MSRA: variants seen among roughly 807,000 people sequenced by gnomAD.
MSRA encodes mitochondrial peptide methionine sulfoxide reductase.
A neutral mutation model predicts 31.3 loss-of-function variants in MSRA; 54 were observed. That is an observed-to-expected ratio of 1.73 (90% CI 1.39 to 2.17). The LOEUF (loss-of-function observed/expected upper bound fraction) is 2.17, where lower values mean the gene tolerates loss of function less well. Among genes scored for constraint, MSRA ranks in the 30% most tolerant of loss-of-function variants. The pLI is 0.00. For missense variants in MSRA, 507 were observed against 300.9 expected (o/e 1.69, Z -5.07); for synonymous variants, 169 against 116.5 (o/e 1.45, Z -2.90).
chr8:10,093,852 T>C (rs552408269), intron 1 of MSRA, among the ~76,000 whole-genome samples: 11 of 152,204 alleles, frequency 7.2e-5, no homozygotes, highest in Non-Finnish European at 1.5e-4. Context: ...AATGTCTCCT[T>C]CATTTTCAAA....
intron 2 of MSRA, among the ~76,000 whole-genome samples, chr8:10,243,775 G>C (rs1219379404): frequency 6.6e-6 from 1 of 152,094 alleles, no homozygotes; most frequent in Non-Finnish European, 1.5e-5. Context: ...TATAATAAAA[G>C]TGCATGTAAT....
chr8:10,301,975 C>G (rs1043409569), intron 4 of MSRA, among the ~76,000 whole-genome samples: 5 of 152,160 alleles, frequency 3.3e-5, no homozygotes, highest in Non-Finnish European at 7.3e-5. Context: ...AAGTGTCTTT[C>G]CAGCAGCTCC....
At chr8:10,078,330 G>C (rs1798100400) in intron 1 of MSRA, among the ~76,000 whole-genome samples, 1 of 152,258 alleles carries the variant, frequency 6.6e-6, no homozygotes, top group African/African-American at 2.4e-5. Flanking sequence ...ACGTGAGAGA[G>C]GTGTGTATGA....
In MSRA at chr8:10,207,325, G is replaced by A. The variant is rs1809085549; in HGVS notation, c.143-508G>A. ...GGTGTCTTTGGCCTGGGTGAACAGTGCTTGTACTGTACTGAAATGACATGT... is the reference window on the plus strand; with the variant it reads ...GGTGTCTTTGGCCTGGGTGAACAGTACTTGTACTGTACTGAAATGACATGT... On this transcript the variant is annotated intron_variant, in intron 1 of 5. Transcript: ENST00000317173. 2.6e-5 allele frequency among the ~76,000 whole-genome samples: 4 copies of A among 152,142 alleles called. No homozygotes were observed. In the South Asian group the frequency reaches 8.3e-4, roughly 32 times the overall value.
At chr8:10,152,999 T>C (rs1554467631) in intron 1 of MSRA, among the ~76,000 whole-genome samples, 1 of 152,090 alleles carries the variant, frequency 6.6e-6, no homozygotes, top group Non-Finnish European at 1.5e-5. Flanking sequence ...TTCCAGGGGC[T>C]GAGGAGAAGA....
At chr8:10,335,924 T>TG (rs879594839) in intron 5 of MSRA, among the ~76,000 whole-genome samples, 3 of 152,106 alleles carry the variant, frequency 2.0e-5, no homozygotes, top group Non-Finnish European at 4.4e-5. Flanking sequence ...GATACGTACA[T>TG]GGGGGAGCCC....
intron 5 of MSRA, among the ~76,000 whole-genome samples, chr8:10,398,497 T>C (rs181432423): frequency 2.0e-5 from 3 of 152,334 alleles, no homozygotes; most frequent in Admixed American, 2.0e-4. Flanking sequence ...GCTTGACTAC[T>C]GGGATTGCCT....
intron 4 of MSRA, among the ~76,000 whole-genome samples, chr8:10,305,768 T>G (rs1585418745): frequency 6.6e-6 from 1 of 151,978 alleles, no homozygotes; most frequent in South Asian, 2.1e-4. Flanking sequence ...GATTGGAAGG[T>G]GTAGGCTTTT....
chr8:10,201,210 G>A (rs1457970207), intron 1 of MSRA, among the ~76,000 whole-genome samples: 1 of 152,038 alleles, frequency 6.6e-6, no homozygotes, highest in African/African-American at 2.4e-5. Context: ...CAGTGTAGTA[G>A]CAGCTGGATT....
Position 10,193,766 on chromosome 8 carries a change from C to T in MSRA, c.143-14067C>T, listed in dbSNP as rs549274823. On this transcript the variant is annotated intron_variant, in intron 1 of 5. Coordinates refer to ENST00000317173, the MANE Select transcript of MSRA (RefSeq NM_012331.5). ...GAATATGCGCTGGGTTATCCAACTT[C>T]CCTTAATTAGCCATGGGACCAAGTC... Among the ~76,000 whole-genome samples the T allele has an allele frequency of 2.6e-5, 4 of 152,268 alleles. No individual in the cohort carries two copies. In the East Asian group the frequency reaches 7.7e-4, roughly 29 times the overall value.
intron 5 of MSRA, among the ~76,000 whole-genome samples, chr8:10,402,001 A>G (rs968852813): frequency 1.3e-5 from 2 of 152,220 alleles, no homozygotes; most frequent in Admixed American, 6.5e-5. Context: ...CTGTAAATGT[A>G]CTTAATGCAT....
chr8:10,363,665 C>G (rs935650058), intron 5 of MSRA, among the ~76,000 whole-genome samples: 1 of 151,162 alleles, frequency 6.6e-6, no homozygotes, highest in Admixed American at 6.6e-5. Flanking sequence ...AAAGGAAGAA[C>G]ACACAGGGGT....
chr8:10,128,523 G>C (rs540481415), intron 1 of MSRA, among the ~76,000 whole-genome samples: 2 of 152,186 alleles, frequency 1.3e-5, no homozygotes, highest in South Asian at 4.2e-4. Context: ...TCCTATTAAT[G>C]TATCATTCTC....
At chr8:10,185,810 T>C (rs1455986521) in intron 1 of MSRA, among the ~76,000 whole-genome samples, 1 of 152,172 alleles carries the variant, frequency 6.6e-6, no homozygotes, top group East Asian at 1.9e-4. Flanking sequence ...AAGGCTCAAC[T>C]CTAATGCCAG....
intron 1 of MSRA, among the ~76,000 whole-genome samples, chr8:10,180,719 T>C (rs1806464526): frequency 6.6e-6 from 1 of 152,190 alleles, no homozygotes; most frequent in Non-Finnish European, 1.5e-5. Context: ...TGTGTCATAA[T>C]TGTATATATT....
intron 3 of MSRA, among the ~76,000 whole-genome samples, chr8:10,279,422 A>G (rs1048074883): frequency 6.6e-6 from 1 of 152,184 alleles, no homozygotes; most frequent in Non-Finnish European, 1.5e-5. Flanking sequence ...ACTTTGTCTA[A>G]GAGATAACAA....
At chr8:10,239,282 C>G (rs1231820972) in intron 2 of MSRA, among the ~76,000 whole-genome samples, 1 of 152,148 alleles carries the variant, frequency 6.6e-6, no homozygotes, top group Non-Finnish European at 1.5e-5. Context: ...CTGCCTCAGC[C>G]TCATGAGTAG....
intron 1 of MSRA, among the ~76,000 whole-genome samples, chr8:10,071,790 G>GCAAAAAC (rs1315744545): frequency 1.3e-5 from 2 of 152,134 alleles, no homozygotes; most frequent in Non-Finnish European, 2.9e-5. Context: ...ATGGAGGTTA[G>GCAAAAAC]CAAAAACCAT....
rs1196744264 is a variant in MSRA at position 10,090,738 on chromosome 8, C to T, written c.142+36080C>T. On this transcript the variant is annotated intron_variant, in intron 1 of 5. Coordinates refer to ENST00000317173, the MANE Select transcript of MSRA (RefSeq NM_012331.5). Reference sequence around the variant, plus strand: ...GCAACCAATAAGCTATGTTCTGTGTCTGTGGATTTGCTTCTTCTGAACCTT... The same window carrying T: ...GCAACCAATAAGCTATGTTCTGTGTTTGTGGATTTGCTTCTTCTGAACCTT... 2.0e-5 allele frequency among the ~76,000 whole-genome samples: 3 copies of T among 152,224 alleles called. No individual in the cohort carries two copies. In the South Asian group the frequency reaches 6.2e-4, roughly 32 times the overall value.
Sources: gnomAD v4.1 joint callset for allele counts (sites outside exome capture counted in the v4.1 genomes callset) on GRCh38, gnomAD v4.1.1 for gene constraint, MANE v1.5 for transcripts, NCBI Gene and HGNC (gene_info 2026-07-23, HGNC 2026-07-21) for gene names.